The following CPED1 variants were observed in gnomAD, a reference collection of about 807,000 sequenced individuals.
CPED1 encodes cadherin like and PC-esterase domain containing 1.
Under a neutral mutation model 128.2 loss-of-function variants are expected in CPED1, and 114 were observed. The ratio of observed to expected loss-of-function variants is 0.89; its 90% CI spans 0.76 to 1.04. CPED1 has a LOEUF of 1.04. CPED1 is among the 50% of genes least tolerant of loss of function. CPED1 has a pLI of 0.00. For missense variants in CPED1, 1,211 were observed against 1,207.1 expected, an observed-to-expected ratio of 1.00 and a Z score of -0.05; for synonymous variants, 462 against 426.7, an observed-to-expected ratio of 1.08 and a Z score of -1.02.
intron 17 of CPED1, among the ~76,000 whole-genome samples, chr7:121,240,783 G>GAAAAAAAAA (rs1798373783): frequency 1.0e-4 from 1 of 9,916 alleles, no homozygotes. Context: ...AAAAAAAAGT[G>GAAAAAAAAA]ACGGGGAAGG....
intron 22 of CPED1, among the ~76,000 whole-genome samples, chr7:121,278,226 TAATC>T (rs1387149505): frequency 6.6e-6 from 1 of 152,006 alleles, no homozygotes; most frequent in Non-Finnish European, 1.5e-5. Context: ...AGAGAGGAAA[TAATC>T]AATACCAAGA....
Position 121,201,845 on chromosome 7 carries a change from A to C in CPED1, c.2056-34869A>C, listed in dbSNP as rs140039345. 7.7e-3 allele frequency among the ~76,000 whole-genome samples: 1,174 copies of C among 152,210 alleles called. 3 individuals carry two copies. Among genetic ancestry groups the C allele is most frequent in the Non-Finnish European group, 0.012 (784 of 67,982 alleles). On this transcript the variant is annotated intron_variant, in intron 16 of 22. Transcript: ENST00000310396. ...CCTTTTAGAAGTAGACTTCCCCCTTAGCCTGAACACGAAAGAAGAGAAAGA... is the reference window on the plus strand; with the variant it reads ...CCTTTTAGAAGTAGACTTCCCCCTTCGCCTGAACACGAAAGAAGAGAAAGA...
intron 5 of CPED1, among the ~76,000 whole-genome samples, chr7:121,084,997 C>T (rs1360309446): frequency 2.6e-5 from 4 of 152,200 alleles, no homozygotes; most frequent in African/African-American, 9.7e-5. Flanking sequence ...AGTGACGGCC[C>T]CAAATGCTCC....
At position 121,117,679 on chromosome 7, in the gene CPED1, G is replaced by A. The variant is rs1367427449; in HGVS notation, c.919-6652G>A. ...GTGTCATATGCCTTTGGGGATCCCT[G>A]ATGACTCCCCAAGGGGCTCAGAGGC... On this transcript the variant is annotated intron_variant, in intron 7 of 22. Transcript: ENST00000310396. 2.6e-5 allele frequency among the ~76,000 whole-genome samples: 4 copies of A among 152,090 alleles called. No individual in the cohort carries two copies. The East Asian group carries it at 7.7e-4, about 29-fold the overall frequency.
intron 2 of CPED1, among the ~76,000 whole-genome samples, chr7:120,990,674 T>C (rs1796295586): frequency 6.6e-6 from 1 of 152,110 alleles, no homozygotes; most frequent in Non-Finnish European, 1.5e-5. Flanking sequence ...AAGATCATGG[T>C]GGCAAAGCTA....
At chr7:121,275,433 A>G (rs1384116075) in intron 22 of CPED1, among the ~76,000 whole-genome samples, 1 of 152,144 alleles carries the variant, frequency 6.6e-6, no homozygotes, top group Admixed American at 6.5e-5. Context: ...CTCTTGCCCA[A>G]GAGAGGTTTT....
chr7:121,000,978 T>C (rs1396297994), intron 2 of CPED1, among the ~76,000 whole-genome samples: 1 of 152,168 alleles, frequency 6.6e-6, no homozygotes, highest in Non-Finnish European at 1.5e-5. Flanking sequence ...TCAATAAATA[T>C]TATGTGTGTC....
chr7:121,241,293 A>G (rs796430829), intron 17 of CPED1, among the ~76,000 whole-genome samples: 514 of 42,390 alleles, frequency 0.012, 93 homozygotes, highest in African/African-American at 0.047. Context: ...GCTTGCAGTG[A>G]GCCGAGATCC....
intron 22 of CPED1, among the ~76,000 whole-genome samples, chr7:121,292,976 C>T (rs1792740172): frequency 6.6e-6 from 1 of 152,168 alleles, no homozygotes; most frequent in Non-Finnish European, 1.5e-5. Flanking sequence ...GAAAATGTCT[C>T]CCAGTCACGA....
At position 121,099,916 on chromosome 7, in the gene CPED1, T is replaced by G. The variant is rs750798769; in HGVS notation, c.750-10T>G. Reference sequence around the variant, plus strand: ...TATGGAGCGCTAACTATGTTTTTTTTTTTTTTTAGGAATGAAACGACAGTC... The same window carrying G: ...TATGGAGCGCTAACTATGTTTTTTTGTTTTTTTAGGAATGAAACGACAGTC... On this transcript the variant is annotated splice_polypyrimidine_tract_variant and intron_variant, in intron 6 of 22. Transcript: ENST00000310396. 13 of 1,608,202 alleles carry G rather than the reference T, an allele frequency of 8.1e-6. No individual in the cohort carries two copies. The highest frequency in any genetic ancestry group is 8.5e-6 in the Non-Finnish European group (10 of 1,178,454).
intron 7 of CPED1, among the ~76,000 whole-genome samples, chr7:121,111,123 G>T (rs1172493783): frequency 6.6e-6 from 1 of 152,104 alleles, no homozygotes; most frequent in African/African-American, 2.4e-5. Context: ...AGGCACACAG[G>T]TTCCTGTTCA....
In CPED1 at chr7:121,295,778, C is replaced by T; in HGVS notation, c.*126C>T. ...CCACACACACTTGTGCACACCAGCA[C>T]ATGCATGCACACCAGTACACACACA... On this transcript the variant is annotated 3_prime_UTR_variant, in exon 23 of 23. Coordinates refer to ENST00000310396, the MANE Select transcript of CPED1 (RefSeq NM_024913.5). 3 of 675,362 alleles carry T rather than the reference C, an allele frequency of 4.4e-6. No individual in the cohort carries two copies. The highest frequency in any genetic ancestry group is 7.8e-6 in the Non-Finnish European group (3 of 382,672). 41.8% of individuals were successfully genotyped at this position (675,362 alleles called of 1,614,324 possible).
intron 16 of CPED1, among the ~76,000 whole-genome samples, chr7:121,156,274 T>C (rs767801628): frequency 5.3e-5 from 8 of 152,068 alleles, no homozygotes; most frequent in Non-Finnish European, 1.2e-4. Flanking sequence ...TGGAGAACAG[T>C]ATGGAGGTTC....
At chr7:121,194,220 G>A (rs1797219987) in intron 16 of CPED1, among the ~76,000 whole-genome samples, 1 of 150,974 alleles carries the variant, frequency 6.6e-6, no homozygotes, top group African/African-American at 2.4e-5. Context: ...GCTAATTTTT[G>A]TATTTATTTT....
intron 16 of CPED1, among the ~76,000 whole-genome samples, chr7:121,147,307 A>G (rs908008409): frequency 9.9e-5 from 15 of 152,180 alleles, no homozygotes; most frequent in Admixed American, 6.6e-4. Context: ...TTTCTGCCCA[A>G]TGTAATTATT....
chr7:121,265,940 C>T (rs798922), intron 18 of CPED1, among the ~76,000 whole-genome samples: 7,528 of 151,690 alleles, frequency 0.05, 593 homozygotes, highest in African/African-American at 0.17. Context: ...GATGCTTAAA[C>T]GAGAAATAAA....
chr7:121,270,890 T>C lies in CPED1; in HGVS notation c.2722-394T>C, dbSNP rs72607710. ...TGGTTCCATATGAATTTTAGAATAGTTTTTTCTAATTCTGTAAAAAATAAC... is the reference window on the plus strand; with the variant it reads ...TGGTTCCATATGAATTTTAGAATAGCTTTTTCTAATTCTGTAAAAAATAAC... On this transcript the variant is annotated intron_variant, in intron 21 of 22. Transcript: ENST00000310396. Among the ~76,000 whole-genome samples the C allele has an allele frequency of 4.4e-3, 672 of 152,210 alleles. 38 individuals carry two copies. The East Asian group carries it at 0.11, about 24-fold the overall frequency.
chr7:121,057,449 G>C (rs1267182221), intron 4 of CPED1, among the ~76,000 whole-genome samples: 1 of 152,140 alleles, frequency 6.6e-6, no homozygotes, highest in East Asian at 1.9e-4. Context: ...TCCTCTGCAA[G>C]TCCCCAATTT....
intron 7 of CPED1, among the ~76,000 whole-genome samples, chr7:121,122,837 AATT>A (rs1309363796): frequency 6.6e-6 from 1 of 152,202 alleles, no homozygotes; most frequent in East Asian, 1.9e-4. Flanking sequence ...TTAATTTGCT[AATT>A]ATTCTTCCTC....
Sources: allele counts gnomAD v4.1 joint callset (sites outside exome capture counted in the v4.1 genomes callset), GRCh38; gene constraint gnomAD v4.1.1; transcripts MANE v1.5; gene names NCBI Gene and HGNC (gene_info 2026-07-23, HGNC 2026-07-21).